The following AK5 variants were observed in gnomAD, a reference collection of about 807,000 sequenced individuals.
AK5 encodes adenylate kinase isoenzyme 5.
Under a neutral mutation model 69.5 loss-of-function variants are expected in AK5, and 27 were observed. The observed-to-expected ratio is 0.39, with a 90% CI of 0.29 to 0.54. The LOEUF is 0.54. Among genes scored for constraint, AK5 ranks in the 20% least tolerant of loss-of-function variants. The pLI is 0.71. For synonymous variants in AK5, 260 were observed against 244.4 expected (o/e 1.06, Z -0.60); for missense variants, 531 against 700.4 (o/e 0.76, Z 2.73).
At chr1:77,528,955 T>C (rs1053882456) in intron 12 of AK5, among the ~76,000 whole-genome samples, 3 of 152,202 alleles carry the variant, frequency 2.0e-5, no homozygotes, top group African/African-American at 7.2e-5. Context: ...GTTGGGAAGA[T>C]TGGATGGGAT....
At chr1:77,455,007 C>T (rs1490151536) in intron 8 of AK5, among the ~76,000 whole-genome samples, 1 of 152,180 alleles carries the variant, frequency 6.6e-6, no homozygotes, top group Non-Finnish European at 1.5e-5. Flanking sequence ...TAACAGCTCA[C>T]TTTTGCTGAG....
intron 6 of AK5, among the ~76,000 whole-genome samples, chr1:77,381,632 A>G (rs1381584468): frequency 6.6e-6 from 1 of 152,226 alleles, no homozygotes; most frequent in Non-Finnish European, 1.5e-5. Flanking sequence ...TTGACTTCAC[A>G]GGGGTTTGCT....
chr1:77,496,874 TCTGTAAAATGGACTAATTGGCACG>T (rs1413120620), intron 10 of AK5, among the ~76,000 whole-genome samples: 2 of 152,046 alleles, frequency 1.3e-5, no homozygotes, highest in Non-Finnish European at 2.9e-5. Flanking sequence ...CAATCAGCAC[TCTGTAAAATGGACTAATTGGCACG>T]CTGTAAAATG....
At chr1:77,405,299 C>A (rs149302518) in intron 6 of AK5, among the ~76,000 whole-genome samples, 77 of 152,342 alleles carry the variant, frequency 5.1e-4, no homozygotes, top group African/African-American at 1.7e-3. Context: ...AGCTGCTACA[C>A]GGGAGAGCAG....
chr1:77,416,856 G>A (rs959217293), intron 7 of AK5, among the ~76,000 whole-genome samples: 4 of 152,128 alleles, frequency 2.6e-5, no homozygotes, highest in Non-Finnish European at 5.9e-5. Flanking sequence ...TATTTTATGG[G>A]CAGCACTGAA....
At chr1:77,461,725 G>A (rs3113636) in intron 8 of AK5, among the ~76,000 whole-genome samples, 4,768 of 150,672 alleles carry the variant, frequency 0.032, 183 homozygotes, top group African/African-American at 0.099. Flanking sequence ...AGCAGAGATC[G>A]CGCCATTCCA....
At position 77,409,336 on chromosome 1, in the gene AK5, G is replaced by A. The variant is rs536389119; in HGVS notation, c.892-1645G>A. Among the ~76,000 whole-genome samples, 115 of 152,162 alleles carry A rather than the reference G, an allele frequency of 7.6e-4. 1 individual carries two copies. Among genetic ancestry groups the A allele is most frequent in the Admixed American group, 2.4e-3 (36 of 15,278 alleles). ...TGCTTTTACTCTTCGAGGAATTGCC[G>A]TACTGCTTTCCACAATGGTCAAACT... is the stretch of plus-strand genomic sequence containing the variant. On this transcript the variant is annotated intron_variant, in intron 6 of 13. Coordinates refer to ENST00000354567, the MANE Select transcript of AK5 (RefSeq NM_174858.3).
At chr1:77,478,148 A>G (rs1023267606) in intron 8 of AK5, among the ~76,000 whole-genome samples, 2 of 152,180 alleles carry the variant, frequency 1.3e-5, no homozygotes, top group South Asian at 2.1e-4. Flanking sequence ...CAGAATCTCA[A>G]CTACAAGTTC....
chr1:77,454,912 A>T (rs1443288911), intron 8 of AK5, among the ~76,000 whole-genome samples: 1 of 152,204 alleles, frequency 6.6e-6, no homozygotes, highest in Non-Finnish European at 1.5e-5. Flanking sequence ...CTGGACAAAG[A>T]TGTTGAGCAA....
chr1:77,485,742 G>C (rs564450063), intron 9 of AK5, among the ~76,000 whole-genome samples: 37 of 152,280 alleles, frequency 2.4e-4, no homozygotes, highest in Non-Finnish European at 5.0e-4. Flanking sequence ...TGTGATTCAT[G>C]CTATTAAATG....
At chr1:77,450,984 T>A (rs1267810410) in intron 8 of AK5, among the ~76,000 whole-genome samples, 1 of 152,164 alleles carries the variant, frequency 6.6e-6, no homozygotes, top group African/African-American at 2.4e-5. Context: ...AAGACCAGCC[T>A]GGGCAACATA....
chr1:77,282,126 C>A lies in AK5; in HGVS notation c.-188C>A. 2.2e-6 allele frequency: 1 copy of A among 461,090 alleles called. No individual in the cohort carries two copies. Among genetic ancestry groups the A allele is most frequent in the Admixed American group, 4.4e-5 (1 of 22,522 alleles). 28.6% of individuals were successfully genotyped at this position (461,090 alleles called of 1,614,324 possible). A position where few individuals can be genotyped will look rare whatever the true frequency, so the allele number is the denominator to read the frequency against. ...AGCGGGGGCGGCGGGAGCGCGGAGACCACAGCCCCCGGGGAGAGGCGGAGG... is the reference window on the plus strand; with the variant it reads ...AGCGGGGGCGGCGGGAGCGCGGAGAACACAGCCCCCGGGGAGAGGCGGAGG... On this transcript the variant is annotated 5_prime_UTR_variant, in exon 1 of 14. Transcript: ENST00000354567.
At chr1:77,430,143 CA>C (rs1014362900) in intron 8 of AK5, among the ~76,000 whole-genome samples, 2 of 144,252 alleles carry the variant, frequency 1.4e-5, no homozygotes, top group East Asian at 2.0e-4. Context: ...AAAAAAAAAA[CA>C]AAAAAACAAG....
chr1:77,332,380 A>G (rs887159981), intron 5 of AK5, among the ~76,000 whole-genome samples: 2 of 148,922 alleles, frequency 1.3e-5, no homozygotes, highest in Non-Finnish European at 3.0e-5. Context: ...TTTTTAGTAG[A>G]CCTTAAAAGG....
chr1:77,453,469 A>G (rs1205616974), intron 8 of AK5, among the ~76,000 whole-genome samples: 1 of 152,222 alleles, frequency 6.6e-6, no homozygotes, highest in Non-Finnish European at 1.5e-5. Flanking sequence ...ATTTCACTGC[A>G]GTATAGTATT....
intron 8 of AK5, among the ~76,000 whole-genome samples, chr1:77,480,517 A>G (rs117763591): frequency 0.01 from 1,549 of 152,116 alleles, 34 homozygotes; most frequent in East Asian, 0.078. Flanking sequence ...CCACGATCAG[A>G]CTCCCCAAAC....
At chr1:77,545,575 G>A (rs899277474) in intron 13 of AK5, among the ~76,000 whole-genome samples, 3 of 152,192 alleles carry the variant, frequency 2.0e-5, no homozygotes, top group Admixed American at 2.0e-4. Context: ...AGGAGCGACT[G>A]CTGAGCTATT....
At chr1:77,542,876 T>G (rs6657424) in intron 13 of AK5, among the ~76,000 whole-genome samples, 3,959 of 152,256 alleles carry the variant, frequency 0.026, 119 homozygotes, top group South Asian at 0.11. Flanking sequence ...TAACAGATTA[T>G]TTCTGTCCCT....
intron 8 of AK5, among the ~76,000 whole-genome samples, chr1:77,436,243 T>A (rs1450857725): frequency 2.6e-5 from 4 of 152,122 alleles, no homozygotes; most frequent in African/African-American, 9.6e-5. Context: ...CAAATTTTTC[T>A]TTTTCTCAAC....
Sources: allele counts gnomAD v4.1 joint callset (sites outside exome capture counted in the v4.1 genomes callset), GRCh38; gene constraint gnomAD v4.1.1; transcripts MANE v1.5; gene names NCBI Gene and HGNC (gene_info 2026-07-23, HGNC 2026-07-21).